Variants in COL22A1 observed in about 807,000 individuals in gnomAD.
COL22A1 encodes the protein collagen alpha-1(XXII) chain.
A neutral mutation model predicts 248.9 loss-of-function variants in COL22A1; 221 were observed. That is an observed-to-expected ratio of 0.89 (90% CI 0.80 to 0.99). The LOEUF (loss-of-function observed/expected upper bound fraction) is 0.99. Ranked by LOEUF, COL22A1 falls within the 50% of genes least tolerant of loss-of-function variation. The pLI is 0.00. For synonymous variants in COL22A1, 891 were observed against 793.4 expected, an observed-to-expected ratio of 1.12 and a Z score of -2.07; for missense variants, 2,240 against 2,179.0, an observed-to-expected ratio of 1.03 and a Z score of -0.56.
chr8:138,878,210 G>A lies in COL22A1; in HGVS notation c.198C>T (p.Asp66=), dbSNP rs774906261. 6.3e-7 allele frequency: 1 copy of A among 1,597,390 alleles called. No individual in the cohort carries two copies. The highest frequency in any genetic ancestry group is 1.1e-5 in the South Asian group (1 of 87,986). The change falls in exon 3 of 65, where the codon GAC becomes GAT. Residue 66 remains aspartate (D), a synonymous_variant. Transcript: ENST00000303045. ...KVRQWVANLV[D]TFEVGPDRTR... is the part of the protein sequence containing the mutation. The stretch of plus-strand genomic sequence containing the variant: ...TGCGGTCGGGGCCCACCTCGAAGGT[G>A]TCCACCAGGTTGGCCACCCACTGCC...
intron 12 of COL22A1, among the ~76,000 whole-genome samples, chr8:138,788,364 G>A (rs1815724645): frequency 1.3e-5 from 2 of 152,202 alleles, no homozygotes; most frequent in Non-Finnish European, 1.5e-5. Flanking sequence ...AAAGTCACCT[G>A]TGCTTGGTCC....
intron 3 of COL22A1, among the ~76,000 whole-genome samples, chr8:138,864,831 C>T (rs1721029094): frequency 6.6e-6 from 1 of 152,154 alleles, no homozygotes; most frequent in African/African-American, 2.4e-5. Flanking sequence ...TGAGCACAGG[C>T]AGGAAGATGT....
intron 47 of COL22A1, among the ~76,000 whole-genome samples, chr8:138,645,280 T>G (rs1209004653): frequency 6.6e-6 from 1 of 152,124 alleles, no homozygotes; most frequent in African/African-American, 2.4e-5. Flanking sequence ...GAGTAACGCC[T>G]CTTCCCACCT....
intron 35 of COL22A1, among the ~76,000 whole-genome samples, chr8:138,692,230 A>ATGCACATGTGTGGACGTGTGTGCGTGTG (rs1564201490): frequency 3.2e-5 from 1 of 31,520 alleles, no homozygotes. Context: ...GTGCACGTGC[A>ATGCACATGTGTGGACGTGTGTGCGTGTG]TGTGCATGTT....
chr8:138,691,463 G>A (rs573101556), intron 35 of COL22A1, among the ~76,000 whole-genome samples: 8 of 149,560 alleles, frequency 5.3e-5, no homozygotes, highest in East Asian at 2.0e-4. Flanking sequence ...GTGTACGTCC[G>A]TGTGTGCATG....
At chr8:138,664,170 C>T (rs763272457) in intron 41 of COL22A1, among the ~76,000 whole-genome samples, 8 of 148,848 alleles carry the variant, frequency 5.4e-5, no homozygotes, top group Non-Finnish European at 8.9e-5. Flanking sequence ...CTGCAGTAGT[C>T]ATGCTCCCTT....
intron 33 of COL22A1, 23 bp from the exon 34 acceptor site, chr8:138,694,584 G>T: frequency 6.2e-7 from 1 of 1,613,286 alleles, no homozygotes; most frequent in Non-Finnish European, 8.5e-7. Flanking sequence ...AAGTTGCCAT[G>T]AACCAGCTCA....
chr8:138,827,721 C>G (rs1182940104), intron 5 of COL22A1, among the ~76,000 whole-genome samples: 2 of 151,922 alleles, frequency 1.3e-5, no homozygotes, highest in Non-Finnish European at 2.9e-5. Flanking sequence ...CAATCCCCCC[C>G]ACCGAGAACC....
chr8:138,902,460 G>A (rs2132163784), intron 1 of COL22A1, among the ~76,000 whole-genome samples: 1 of 152,230 alleles, frequency 6.6e-6, no homozygotes, highest in South Asian at 2.1e-4. Flanking sequence ...CACTTTGGAA[G>A]GCCGAGGTGG....
chr8:138,710,588 A>AATCTATCT (rs71316357), intron 30 of COL22A1, among the ~76,000 whole-genome samples: 1 of 129,376 alleles, frequency 7.7e-6, no homozygotes, highest in African/African-American at 2.8e-5. Flanking sequence ...CAATGCCCAT[A>AATCTATCT]ATCTATCTAT....
chr8:138,676,164 A>G (rs1825487192), intron 41 of COL22A1, among the ~76,000 whole-genome samples: 2 of 152,044 alleles, frequency 1.3e-5, no homozygotes, highest in South Asian at 4.1e-4. Flanking sequence ...TAGGAGGTTG[A>G]GGTGGGTGGA....
At chr8:138,715,095 G>T (rs919045446) in intron 30 of COL22A1, among the ~76,000 whole-genome samples, 3 of 152,142 alleles carry the variant, frequency 2.0e-5, no homozygotes, top group African/African-American at 7.2e-5. Context: ...GGCACAAAAG[G>T]GTGGATGGAC....
intron 50 of COL22A1, among the ~76,000 whole-genome samples, chr8:138,628,949 T>C (rs1302794608): frequency 4.6e-5 from 7 of 151,964 alleles, no homozygotes. Context: ...GTATTTTTAG[T>C]AGAGACAGCG....
intron 4 of COL22A1, among the ~76,000 whole-genome samples, chr8:138,833,995 A>C (rs2131825539): frequency 6.6e-6 from 1 of 152,334 alleles, no homozygotes; most frequent in South Asian, 2.1e-4. Context: ...AAATTCACAG[A>C]GTGGGTTTCT....
intron 22 of COL22A1, among the ~76,000 whole-genome samples, chr8:138,749,473 T>C (rs1030053529): frequency 3.3e-5 from 5 of 152,214 alleles, no homozygotes; most frequent in African/African-American, 4.8e-5. Context: ...CACGTACACA[T>C]TAATTACATA....
chr8:138,726,498 C>CAAAAAAAAAAAAAAAAAA (rs371982028), intron 23 of COL22A1, among the ~76,000 whole-genome samples: 69 of 95,406 alleles, frequency 7.2e-4, no homozygotes, highest in Non-Finnish European at 1.0e-3. Flanking sequence ...CCTGTATCTA[C>CAAAAAAAAAAAAAAAAAA]AAAAAAAAAA....
chr8:138,780,995 A>G lies in COL22A1; in HGVS notation c.1597-15T>C, dbSNP rs1586729423. ...CCCAGGGAACCCTAAAGCCAAAAAAAGAGAATAGCAATTAGTAAAGAATAA... is the reference window on the plus strand; with the variant it reads ...CCCAGGGAACCCTAAAGCCAAAAAAGGAGAATAGCAATTAGTAAAGAATAA... On this transcript the variant is annotated splice_polypyrimidine_tract_variant and intron_variant, in intron 12 of 64. Coordinates refer to ENST00000303045, the MANE Select transcript of COL22A1 (RefSeq NM_152888.3). 8 of 1,580,158 alleles carry G rather than the reference A, an allele frequency of 5.1e-6. No individual in the cohort carries two copies. In the East Asian group the frequency reaches 1.8e-4, roughly 35 times the overall value.
At chr8:138,868,880 G>T (rs1212002786) in intron 3 of COL22A1, among the ~76,000 whole-genome samples, 3 of 152,062 alleles carry the variant, frequency 2.0e-5, no homozygotes, top group African/African-American at 7.2e-5. Context: ...ATAGGCACCT[G>T]CCACCACACC....
intron 62 of COL22A1, among the ~76,000 whole-genome samples, chr8:138,596,420 C>G (rs541189688): frequency 1.3e-4 from 20 of 152,348 alleles, no homozygotes; most frequent in African/African-American, 4.6e-4. Flanking sequence ...TTAATCCACT[C>G]CCTGGCCTCT....
Sources: gnomAD v4.1 joint callset for allele counts (sites outside exome capture counted in the v4.1 genomes callset) on GRCh38, gnomAD v4.1.1 for gene constraint, MANE v1.5 for transcripts, NCBI Gene and HGNC (gene_info 2026-07-23, HGNC 2026-07-21) for gene names.